Variants in CHD6 observed in about 807,000 individuals in gnomAD.
CHD6 encodes ATP-dependent chromatin remodeler CHD6.
CHD6 carries 50 observed loss-of-function variants against 276.9 expected under a neutral mutation model. The observed-to-expected ratio is 0.18, with a 90% confidence interval of 0.14 to 0.23. The LOEUF (loss-of-function observed/expected upper bound fraction) is 0.23, where lower values mean the gene tolerates loss of function less well. Ranked by LOEUF, CHD6 falls within the 10% of genes least tolerant of loss-of-function variation. The pLI, the probability that CHD6 is intolerant of heterozygous loss-of-function variation, is 1.00. For missense variants in CHD6, 2,564 were observed against 3,365.8 expected, an observed-to-expected ratio of 0.76 and a Z score of 5.89; for synonymous variants, 1,173 against 1,229.3, an observed-to-expected ratio of 0.95 and a Z score of 0.96.
intron 1 of CHD6, among the ~76,000 whole-genome samples, chr20:41,591,379 T>TATAC (rs1416193560): frequency 4.8e-4 from 69 of 144,184 alleles, no homozygotes; most frequent in South Asian, 1.3e-3. Flanking sequence ...TATATATATA[T>TATAC]ACACACACAC....
At chr20:41,526,148 TA>T (rs1382825235) in intron 3 of CHD6, among the ~76,000 whole-genome samples, 31 of 144,616 alleles carry the variant, frequency 2.1e-4, no homozygotes, top group Admixed American at 2.1e-4. Flanking sequence ...CTGATGCTCT[TA>T]AAAAAAAAAA....
chr20:41,403,675 GA>G lies in CHD6; in HGVS notation c.*917del. 1 of 1,059,970 alleles carries G rather than the reference GA, an allele frequency of 9.4e-7. No individual in the cohort carries two copies. Among genetic ancestry groups the G allele is most frequent in the Admixed American group, 5.4e-5 (1 of 18,574 alleles). The allele number at this position is 1,059,970 out of a possible 1,614,324, so 65.7% of individuals were successfully genotyped here. Reference sequence around the variant, plus strand: ...AGAAAGAACCTTATTCTTGGTGAAGGAAAGCCTGAAGTGAAAATCCATTCGG... The same window carrying G: ...AGAAAGAACCTTATTCTTGGTGAAGGAAGCCTGAAGTGAAAATCCATTCGG... On this transcript the variant is annotated 3_prime_UTR_variant, in exon 37 of 37. Coordinates refer to ENST00000373233, the MANE Select transcript of CHD6 (RefSeq NM_032221.5).
intron 17 of CHD6, 56 bp from the exon 18 acceptor site, chr20:41,457,484 C>A (rs932484059): frequency 1.3e-6 from 2 of 1,568,698 alleles, no homozygotes; most frequent in South Asian, 1.2e-5. Flanking sequence ...ACGGCAGCAA[C>A]CCTGGGAATA....
chr20:41,555,822 G>C (rs937683685), intron 1 of CHD6, among the ~76,000 whole-genome samples: 1 of 152,164 alleles, frequency 6.6e-6, no homozygotes, highest in South Asian at 2.1e-4. Context: ...CGGCCAGGCA[G>C]AGACGCTCCT....
rs761398070 is a variant in CHD6, at chr20:41,473,523, G to A, written c.2469-6C>T. On this transcript the variant is annotated splice_polypyrimidine_tract_variant and splice_region_variant and intron_variant, in intron 16 of 36. Transcript: ENST00000373233. This position sits in a 1 kb window ranked among gnomAD's most constrained non-coding sequence, Gnocchi z 4.1. ...CAATTCGCTCATAGGTGTATCTGAGGGGACCCAAATGAACGAAAGCCCAGG... is the reference window on the plus strand; with the variant it reads ...CAATTCGCTCATAGGTGTATCTGAGAGGACCCAAATGAACGAAAGCCCAGG... 1 of 1,612,868 alleles carries A rather than the reference G, an allele frequency of 6.2e-7. No individual in the cohort carries two copies. Among genetic ancestry groups the A allele is most frequent in the Non-Finnish European group, 8.5e-7 (1 of 1,179,040 alleles).
chr20:41,592,364 G>A (rs2045672270), intron 1 of CHD6, among the ~76,000 whole-genome samples: 1 of 152,038 alleles, frequency 6.6e-6, no homozygotes, highest in African/African-American at 2.4e-5. Flanking sequence ...AGAAAAACTT[G>A]GAAAGTTAAC....
rs373733112 is a variant in CHD6 at position 41,580,645 on chromosome 20, CAAAAA to C, written c.-23-29290_-23-29286del. ...TGGGTGACACAGTGAAACCCAGTCT[CAAAAA>C]AAAAAAAAAAAAGGAAAAGACAACA... On this transcript the variant is annotated intron_variant, in intron 1 of 36. Coordinates refer to ENST00000373233, the MANE Select transcript of CHD6 (RefSeq NM_032221.5). Among the ~76,000 whole-genome samples, 7 of 69,278 alleles carry C rather than the reference CAAAAA, an allele frequency of 1.0e-4. No individual in the cohort carries two copies. The East Asian group carries it at 1.6e-3, about 16-fold the overall frequency. 45.4% of individuals were successfully genotyped at this position (69,278 alleles called of 152,430 possible). A position where few individuals can be genotyped will look rare whatever the true frequency, so the allele number is the denominator to read the frequency against.
intron 3 of CHD6, among the ~76,000 whole-genome samples, chr20:41,519,008 G>A (rs1313379866): frequency 6.6e-6 from 1 of 152,174 alleles, no homozygotes. Context: ...TAGGCCAGGT[G>A]TGGTGGCTCA....
chr20:41,463,878 A>G (rs1190974096), intron 17 of CHD6, among the ~76,000 whole-genome samples: 1 of 152,244 alleles, frequency 6.6e-6, no homozygotes, highest in Non-Finnish European at 1.5e-5. Flanking sequence ...TATACAAGAG[A>G]AAGTCCTTGT....
chr20:41,471,046 A>C (rs910300055), intron 17 of CHD6, among the ~76,000 whole-genome samples: 4 of 152,242 alleles, frequency 2.6e-5, no homozygotes, highest in Non-Finnish European at 5.9e-5. Context: ...GTAACTGTCA[A>C]GGACTTAAGA....
At chr20:41,418,247 T>C (rs1288737569) in intron 31 of CHD6, among the ~76,000 whole-genome samples, 1 of 151,836 alleles carries the variant, frequency 6.6e-6, no homozygotes, top group Non-Finnish European at 1.5e-5. Context: ...GAGGTGACAA[T>C]AAAGGAGCAA....
At chr20:41,508,652 C>T (rs1302601529) in intron 5 of CHD6, among the ~76,000 whole-genome samples, 1 of 152,134 alleles carries the variant, frequency 6.6e-6, no homozygotes, top group Non-Finnish European at 1.5e-5. Context: ...AAATTACCCA[C>T]CCAGGCTGAG....
Position 41,451,817 on chromosome 20 carries a change from A to G in CHD6, c.3523+9T>C. ...CGTGCTTCTTAGGCATGGCCCTGCC[A>G]CCTCTCACCTGAGTGGTTCTGGAGG... is the stretch of plus-strand genomic sequence containing the variant. On this transcript the variant is annotated intron_variant, in intron 22 of 36. Coordinates refer to ENST00000373233, the MANE Select transcript of CHD6 (RefSeq NM_032221.5). 6.2e-7 allele frequency: 1 copy of G among 1,613,742 alleles called. No individual in the cohort carries two copies. The highest frequency in any genetic ancestry group is 8.5e-7 in the Non-Finnish European group (1 of 1,179,686).
At position 41,404,492 on chromosome 20, in the gene CHD6, A is replaced by G. The variant is rs567803054; in HGVS notation, c.*101T>C. The G allele has an allele frequency of 9.2e-6, 13 of 1,409,342 alleles. No homozygotes were observed. The South Asian group carries it at 2.8e-4, about 31-fold the overall frequency. 87.3% of individuals were successfully genotyped at this position (1,409,342 alleles called of 1,614,324 possible). A position where few individuals can be genotyped will look rare whatever the true frequency, so the allele number is the denominator to read the frequency against. ...GGAAATCAGGTACGTAATCTTACTTATGGAAACACAGGTTCTTATGGAGGT... is the reference window on the plus strand; with the variant it reads ...GGAAATCAGGTACGTAATCTTACTTGTGGAAACACAGGTTCTTATGGAGGT... On this transcript the variant is annotated 3_prime_UTR_variant, in exon 37 of 37. Transcript: ENST00000373233.
chr20:41,415,656 G>A lies in CHD6; in HGVS notation c.6487-18C>T. On this transcript the variant is annotated intron_variant, in intron 33 of 36. Coordinates refer to ENST00000373233, the MANE Select transcript of CHD6 (RefSeq NM_032221.5). Reference sequence around the variant, plus strand: ...AAGCTCTCCTGTGAACACACAAACAGCAAGAGAGGTCTGAATGTCACACAA... The same window carrying A: ...AAGCTCTCCTGTGAACACACAAACAACAAGAGAGGTCTGAATGTCACACAA... The A allele has an allele frequency of 6.5e-7, 1 of 1,538,804 alleles. No individual in the cohort carries two copies. Among genetic ancestry groups the A allele is most frequent in the African/African-American group, 1.4e-5 (1 of 72,904 alleles).
intron 5 of CHD6, among the ~76,000 whole-genome samples, chr20:41,508,915 C>A (rs1368689867): frequency 6.6e-6 from 1 of 151,998 alleles, no homozygotes; most frequent in Non-Finnish European, 1.5e-5. Context: ...CAAATCATAC[C>A]AGTTTATATA....
intron 2 of CHD6, among the ~76,000 whole-genome samples, chr20:41,541,825 T>C (rs2044948693): frequency 6.6e-6 from 1 of 152,228 alleles, no homozygotes. Flanking sequence ...CTGTCGTTTT[T>C]AGTCTCCACC....
At chr20:41,490,351 C>T (rs1172350208) in intron 11 of CHD6, among the ~76,000 whole-genome samples, 1 of 152,178 alleles carries the variant, frequency 6.6e-6, no homozygotes, top group Admixed American at 6.5e-5. Context: ...CTACTACATA[C>T]CTAGGCTATG....
At chr20:41,511,007 C>CTGATT (rs2044104154) in intron 5 of CHD6, among the ~76,000 whole-genome samples, 8 of 152,252 alleles carry the variant, frequency 5.3e-5, no homozygotes, top group African/African-American at 1.9e-4. Context: ...ATATGCTAGT[C>CTGATT]ACTGATTAAC....
Sources: gnomAD v4.1 joint callset for allele counts (sites outside exome capture counted in the v4.1 genomes callset) on GRCh38, gnomAD v4.1.1 for gene constraint, Gnocchi (gnomAD v3.1) non-coding constraint, MANE v1.5 for transcripts, NCBI Gene and HGNC (gene_info 2026-07-23, HGNC 2026-07-21) for gene names.